The following CLN6 variants were observed in gnomAD, a reference collection of about 807,000 sequenced individuals.
The protein encoded by CLN6 is ceroid-lipofuscinosis neuronal protein 6.
CLN6 carries 22 observed loss-of-function variants against 33.3 expected under a neutral mutation model. That is an observed-to-expected ratio of 0.66 (90% CI 0.47 to 0.94). CLN6 has a LOEUF of 0.94. Among genes scored for constraint, CLN6 ranks in the 40% least tolerant of loss-of-function variants. The pLI is 0.00. For synonymous variants in CLN6, 201 were observed against 174.6 expected (o/e 1.15, Z -1.19); for missense variants, 387 against 417.1 (o/e 0.93, Z 0.63).
intron 2 of CLN6, among the ~76,000 whole-genome samples, chr15:68,216,535 GTAGACAAGCTCGTTAT>G (rs1173588063): frequency 6.6e-6 from 1 of 152,172 alleles, no homozygotes; most frequent in Non-Finnish European, 1.5e-5. Context: ...TTGATCCCAG[GTAGACAAGCTCGTTAT>G]TGACTTGCAA....
rs117222539 is a variant in CLN6, at chr15:68,218,024, G to A, written c.198+512C>T. 3.7e-3 allele frequency: 612 copies of A among 164,866 alleles called. 3 individuals are homozygous for A. The highest frequency in any genetic ancestry group is 6.0e-3 in the Non-Finnish European group (446 of 74,364). The allele number at this position is 164,866 out of a possible 1,614,324, so 10.2% of individuals were successfully genotyped here. On this transcript the variant is annotated intron_variant, in intron 2 of 6. Coordinates refer to ENST00000249806, the MANE Select transcript of CLN6 (RefSeq NM_017882.3). ...GGATACTAAAGCATGAAGTAGCCTT[G>A]GAAGGCAGGGGATGGTTTCACTGGA... is the stretch of plus-strand genomic sequence containing the variant.
At chr15:68,231,740 C>T (rs191160780), upstream of CLN6, among the ~76,000 whole-genome samples, 226 of 152,326 alleles carry the variant, frequency 1.5e-3, no homozygotes, top group Non-Finnish European at 2.8e-3. Flanking sequence ...TTCTGGAGTC[C>T]GCTGCTACCC....
intron 1 of CLN6, among the ~76,000 whole-genome samples, chr15:68,245,063 C>A (rs1595831055): frequency 1.4e-5 from 2 of 142,262 alleles, no homozygotes; most frequent in African/African-American, 5.2e-5. Context: ...GAGAGAGAGG[C>A]AATATAAAAA....
intron 2 of CLN6, among the ~76,000 whole-genome samples, chr15:68,217,656 T>C (rs1011402132): frequency 2.6e-5 from 4 of 152,278 alleles, no homozygotes; most frequent in African/African-American, 7.2e-5. Flanking sequence ...CCGTTTATCT[T>C]CCAGTAAACT....
chr15:68,220,614 C>A lies in CLN6; in HGVS notation c.84-1964G>T, dbSNP rs530532548. Among the ~76,000 whole-genome samples the A allele has an allele frequency of 6.6e-6, 1 of 152,310 alleles. No homozygotes were observed. Among genetic ancestry groups the A allele is most frequent in the East Asian group, 1.9e-4 (1 of 5,184 alleles). On this transcript the variant is annotated intron_variant, in intron 1 of 6. Transcript: ENST00000249806. The surrounding 1 kb of genome is among the most constrained non-coding windows in gnomAD (Gnocchi z 4.2). The stretch of plus-strand genomic sequence containing the variant: ...TCCAGGTAAGAATGAAGTAGCCTCG[C>A]AGAGAGGATCAGGGAAAGGGGGAGA...
chr15:68,251,259 A>G (rs968993464), intron 1 of CLN6, among the ~76,000 whole-genome samples: 5 of 152,250 alleles, frequency 3.3e-5, no homozygotes, highest in Non-Finnish European at 2.9e-5. Flanking sequence ...CATTTATGAC[A>G]AAAGCTCTTA....
At chr15:68,255,490 C>T (rs12902478) in intron 1 of CLN6, among the ~76,000 whole-genome samples, 26,137 of 152,206 alleles carry the variant, frequency 0.17, 2,552 homozygotes, top group South Asian at 0.23. Context: ...TGTTAAACAA[C>T]ATGCTAAACA....
At chr15:68,252,952 A>G (rs1304900148) in intron 1 of CLN6, among the ~76,000 whole-genome samples, 1 of 152,232 alleles carries the variant, frequency 6.6e-6, no homozygotes, top group Non-Finnish European at 1.5e-5. Flanking sequence ...CAAGACAGGA[A>G]AGGGGAATAC....
intron 1 of CLN6, among the ~76,000 whole-genome samples, chr15:68,245,942 C>A (rs1892325961): frequency 6.6e-6 from 1 of 152,032 alleles, no homozygotes; most frequent in South Asian, 2.1e-4. Flanking sequence ...AAATAGACTA[C>A]AAGTCAAAGA....
At chr15:68,240,997 AC>A (rs368947953) in intron 1 of CLN6, among the ~76,000 whole-genome samples, 1 of 151,334 alleles carries the variant, frequency 6.6e-6, no homozygotes, top group African/African-American at 2.4e-5. Context: ...AAAAAAAAAA[AC>A]AAAAAAAAAA....
chr15:68,240,003 A>C (rs889724339), intron 1 of CLN6, among the ~76,000 whole-genome samples: 2 of 152,242 alleles, frequency 1.3e-5, no homozygotes, highest in African/African-American at 4.8e-5. Flanking sequence ...GTATACTTCT[A>C]AATAACTTGT....
At chr15:68,250,417 T>C (rs973640013) in intron 1 of CLN6, among the ~76,000 whole-genome samples, 1 of 151,234 alleles carries the variant, frequency 6.6e-6, no homozygotes, top group Non-Finnish European at 1.5e-5. Context: ...GGTCAAGAGA[T>C]CAAGACCATT....
rs766305954 is a variant in CLN6 at position 68,256,253 on chromosome 15, C to T, written c.179+437G>A. Among the ~76,000 whole-genome samples the T allele has an allele frequency of 7.2e-5, 11 of 151,986 alleles. No homozygotes were observed. Among genetic ancestry groups the T allele is most frequent in the Non-Finnish European group, 1.2e-4 (8 of 68,002 alleles). On this transcript the variant is annotated intron_variant, in intron 1 of 6. Transcript: ENST00000538696. The surrounding 1 kb of genome is among the most constrained non-coding windows in gnomAD (Gnocchi z 4.1). ...TCCCAAATAGCTAAGATTACAGCCA[C>T]GCGCCACCATGCCCAGCTAATTTTT...
At position 68,228,356 on chromosome 15, in the gene CLN6, T is replaced by G. The variant is rs2093258216; in HGVS notation, c.83+1146A>C. On this transcript the variant is annotated intron_variant, in intron 1 of 6. Transcript: ENST00000249806. This position sits in a 1 kb window ranked among gnomAD's most constrained non-coding sequence, Gnocchi z 4.4. ...TCACGACTCCCCAGTGCCTATGGGA[T>G]AAAGACTGTGTCCTTAACCTGTCAC... Among the ~76,000 whole-genome samples, 2 of 152,140 alleles carry G rather than the reference T, an allele frequency of 1.3e-5. No homozygotes were observed. Among genetic ancestry groups the G allele is most frequent in the Non-Finnish European group, 2.9e-5 (2 of 68,018 alleles).
At chr15:68,231,054 A>G (rs1258405047), upstream of CLN6, among the ~76,000 whole-genome samples, 5 of 152,226 alleles carry the variant, frequency 3.3e-5, no homozygotes, top group African/African-American at 1.2e-4. Context: ...TTCCCAGACC[A>G]TGAGGGGTCT....
rs766069215 is a variant in CLN6 at position 68,211,664 on chromosome 15, G to A, written c.486+11C>T. 6 of 1,613,042 alleles carry A rather than the reference G, an allele frequency of 3.7e-6. No homozygotes were observed. The highest frequency in any genetic ancestry group is 2.7e-5 in the African/African-American group (2 of 74,912). ...TAGGGCTTACAGGCAGGGAGCAGGAGGTGGCCTCACCAGCGTCTCCGGCTT... is the reference window on the plus strand; with the variant it reads ...TAGGGCTTACAGGCAGGGAGCAGGAAGTGGCCTCACCAGCGTCTCCGGCTT... On this transcript the variant is annotated intron_variant, in intron 4 of 6. Transcript: ENST00000249806. The surrounding 1 kb of genome is among the most constrained non-coding windows in gnomAD (Gnocchi z 5.9).
intron 1 of CLN6, among the ~76,000 whole-genome samples, chr15:68,251,106 CA>C (rs1362101232): frequency 6.6e-6 from 1 of 152,014 alleles, no homozygotes; most frequent in Non-Finnish European, 1.5e-5. Context: ...TGGATTTATC[CA>C]AAGAGTATAA....
At chr15:68,212,372 C>T (rs370861215) in intron 3 of CLN6, 1 of 162,690 alleles carries the variant, frequency 6.1e-6, no homozygotes, top group Non-Finnish European at 1.3e-5. Context: ...TATACCCCTC[C>T]TACTTCTGGA....
upstream of CLN6, among the ~76,000 whole-genome samples, chr15:68,231,395 T>A (rs953950038): frequency 1.4e-4 from 21 of 152,246 alleles, no homozygotes; most frequent in African/African-American, 4.8e-4. Context: ...ACCTAGGCCC[T>A]GAGCTGAAGT....
Sources: gnomAD v4.1 joint callset for allele counts (sites outside exome capture counted in the v4.1 genomes callset) on GRCh38, gnomAD v4.1.1 for gene constraint, Gnocchi (gnomAD v3.1) non-coding constraint, MANE v1.5 for transcripts, NCBI Gene and HGNC (gene_info 2026-07-23, HGNC 2026-07-21) for gene names.